CYP39A1: variants seen among roughly 807,000 people sequenced by gnomAD.
The protein encoded by CYP39A1 is cytochrome P450 family 39 subfamily A member 1.
CYP39A1 carries 49 observed loss-of-function variants against 58.1 expected under a neutral mutation model. The ratio of observed to expected loss-of-function variants is 0.84; its 90% CI spans 0.67 to 1.07. CYP39A1 has a LOEUF of 1.07. Ranked by LOEUF, CYP39A1 falls within the 50% of genes least tolerant of loss-of-function variation. CYP39A1 has a pLI of 0.00. For missense variants in CYP39A1, 531 were observed against 539.4 expected (o/e 0.98, Z 0.16); for synonymous variants, 209 against 187.6 (o/e 1.11, Z -0.93).
intron 4 of CYP39A1, 104 bp from the exon 5 acceptor site, chr6:46,636,586 A>G: frequency 1.4e-6 from 1 of 702,542 alleles, no homozygotes; most frequent in Middle Eastern, 3.7e-4. Context: ...TTAGTTCTCC[A>G]AATTTATTCT....
chr6:46,646,302 A>G (rs1023717104), intron 1 of CYP39A1, among the ~76,000 whole-genome samples: 1 of 152,060 alleles, frequency 6.6e-6, no homozygotes, highest in Non-Finnish European at 1.5e-5. Flanking sequence ...CTCTATCATG[A>G]ATCCTGATAT....
In CYP39A1 at chr6:46,550,278, G is replaced by T; in HGVS notation, c.*88C>A. ...GTCCTAAAACAAAGTGAAGCAGTGTGTTTTTGTAGAGCTCAGGTCTAGGTG... is the reference window on the plus strand; with the variant it reads ...GTCCTAAAACAAAGTGAAGCAGTGTTTTTTTGTAGAGCTCAGGTCTAGGTG... On this transcript the variant is annotated 3_prime_UTR_variant, in exon 12 of 12. Transcript: ENST00000275016. 9.8e-7 allele frequency: 1 copy of T among 1,024,080 alleles called. No individual in the cohort carries two copies. Among genetic ancestry groups the T allele is most frequent in the Non-Finnish European group, 1.5e-6 (1 of 681,468 alleles). 63.4% of individuals were successfully genotyped at this position (1,024,080 alleles called of 1,614,324 possible).
chr6:46,603,493 C>T, intron 7 of CYP39A1, among the ~76,000 whole-genome samples: 1 of 152,012 alleles, frequency 6.6e-6, no homozygotes, highest in East Asian at 1.9e-4. Flanking sequence ...TTTTATCTAC[C>T]CTCCTTCCTT....
intron 7 of CYP39A1, among the ~76,000 whole-genome samples, chr6:46,601,758 T>A (rs1773522319): frequency 6.6e-6 from 1 of 151,544 alleles, no homozygotes; most frequent in African/African-American, 2.4e-5. Context: ...TGACCTCAGG[T>A]GATCCGCCCA....
chr6:46,636,506 G>T, intron 4 of CYP39A1, 24 bp from the exon 5 acceptor site: 1 of 1,476,060 alleles, frequency 6.8e-7, no homozygotes, highest in Non-Finnish European at 9.3e-7. Flanking sequence ...AATATATATA[G>T]AAATTAATTG....
rs1346961963 is a variant in CYP39A1 at position 46,601,301 on chromosome 6, C to T, written c.932-5181G>A. Among the ~76,000 whole-genome samples, 4 of 152,166 alleles carry T rather than the reference C, an allele frequency of 2.6e-5. No homozygotes were observed. In the South Asian group the frequency reaches 6.2e-4, roughly 24 times the overall value. On this transcript the variant is annotated intron_variant, in intron 7 of 11. Coordinates refer to ENST00000275016, the MANE Select transcript of CYP39A1 (RefSeq NM_016593.5). ...AAGCCGTGAATATTTCTCACCTGGT[C>T]CAGGGTGACAGCCTTCATCATGCTT...
chr6:46,569,250 G>A (rs956556297), intron 10 of CYP39A1, among the ~76,000 whole-genome samples: 7 of 151,986 alleles, frequency 4.6e-5, no homozygotes, highest in African/African-American at 1.7e-4. Flanking sequence ...ACTTTGTTGA[G>A]TTATTTATTA....
chr6:46,626,265 T>C (rs1032679914), intron 6 of CYP39A1, among the ~76,000 whole-genome samples: 4 of 152,158 alleles, frequency 2.6e-5, no homozygotes, highest in African/African-American at 9.6e-5. Flanking sequence ...GTAAATAGTT[T>C]TGCTTCTATT....
At chr6:46,550,754 G>T (rs771123307) in intron 11 of CYP39A1, among the ~76,000 whole-genome samples, 1 of 152,148 alleles carries the variant, frequency 6.6e-6, no homozygotes, top group African/African-American at 2.4e-5. Context: ...TACAATTCTG[G>T]CTCAAAAACT....
chr6:46,622,392 C>T (rs572941810), intron 7 of CYP39A1, among the ~76,000 whole-genome samples: 1 of 151,878 alleles, frequency 6.6e-6, no homozygotes, highest in Non-Finnish European at 1.5e-5. Context: ...TGCACACAAA[C>T]TTATAGCTCA....
At chr6:46,569,450 G>A (rs1252738514) in intron 10 of CYP39A1, among the ~76,000 whole-genome samples, 1 of 151,868 alleles carries the variant, frequency 6.6e-6, no homozygotes, top group Non-Finnish European at 1.5e-5. Context: ...TCTTGTTCCT[G>A]GTCATAGAGA....
At chr6:46,648,902 T>C (rs1168379696) in intron 1 of CYP39A1, among the ~76,000 whole-genome samples, 1 of 152,162 alleles carries the variant, frequency 6.6e-6, no homozygotes, top group Non-Finnish European at 1.5e-5. Context: ...ATGTTTAAAA[T>C]AACTCTCTCA....
At position 46,597,281 on chromosome 6, in the gene CYP39A1, C is replaced by T. The variant is rs536579357; in HGVS notation, c.932-1161G>A. On this transcript the variant is annotated intron_variant, in intron 7 of 11. Coordinates refer to ENST00000275016, the MANE Select transcript of CYP39A1 (RefSeq NM_016593.5). ...TGTACCAGTATTACAATAACTAAGG[C>T]GCAGCTCTTGCTTGCAATACACTTA... Among the ~76,000 whole-genome samples the T allele has an allele frequency of 3.3e-5, 5 of 152,078 alleles. No homozygotes were observed. The South Asian group carries it at 8.3e-4, about 25-fold the overall frequency.
At chr6:46,577,095 T>C (rs1197581598) in intron 10 of CYP39A1, among the ~76,000 whole-genome samples, 2 of 152,172 alleles carry the variant, frequency 1.3e-5, no homozygotes, top group African/African-American at 2.4e-5. Context: ...GCAGAAACCT[T>C]ACATGCCATG....
chr6:46,621,563 T>C (rs1217713169), intron 7 of CYP39A1, among the ~76,000 whole-genome samples: 2 of 152,048 alleles, frequency 1.3e-5, no homozygotes, highest in Non-Finnish European at 2.9e-5. Flanking sequence ...TTAGATAATC[T>C]AGATGAAATG....
chr6:46,599,107 C>T (rs928254577), intron 7 of CYP39A1, among the ~76,000 whole-genome samples: 1 of 152,100 alleles, frequency 6.6e-6, no homozygotes, highest in Admixed American at 6.6e-5. Context: ...CTGAGGAATT[C>T]CTTCCATTAT....
chr6:46,605,966 A>T lies in CYP39A1; in HGVS notation c.932-9846T>A, dbSNP rs548397509. Among the ~76,000 whole-genome samples the T allele has an allele frequency of 3.0e-4, 45 of 152,228 alleles. No individual in the cohort carries two copies. In the South Asian group the frequency reaches 9.1e-3, roughly 31 times the overall value. On this transcript the variant is annotated intron_variant, in intron 7 of 11. Coordinates refer to ENST00000275016, the MANE Select transcript of CYP39A1 (RefSeq NM_016593.5). ...CCGAAAAGAAGTATCTTTCTACTTG[A>T]CCAAGGATAGGTGGCAACTACGGTC...
chr6:46,646,383 C>G (rs1238347766), intron 1 of CYP39A1, among the ~76,000 whole-genome samples: 3 of 151,980 alleles, frequency 2.0e-5, no homozygotes, highest in Non-Finnish European at 4.4e-5. Context: ...TGTGCTTTTT[C>G]TTCTTTAGCT....
In CYP39A1 at chr6:46,637,915, CT is replaced by C; in HGVS notation, c.551del (p.Lys184ArgfsTer29). The C allele has an allele frequency of 6.2e-7, 1 of 1,612,890 alleles. No individual in the cohort carries two copies. The highest frequency in any genetic ancestry group is 8.5e-7 in the Non-Finnish European group (1 of 1,179,684). On this transcript the variant is annotated frameshift_variant, in exon 4 of 12. Coordinates refer to ENST00000275016, the MANE Select transcript of CYP39A1 (RefSeq NM_016593.5). LOFTEE classifies it high-confidence loss of function. ...ACTGATGGAACTCCTTGATTTTTTT[CT>C]TGTTTGTGGAAAACAAACTTTTATT... is the stretch of plus-strand genomic sequence containing the variant. ...LFNKSLFSTN[K>X]KKIKEFHQYF...
Sources: gnomAD v4.1 joint callset for allele counts (sites outside exome capture counted in the v4.1 genomes callset) on GRCh38, gnomAD v4.1.1 for gene constraint, MANE v1.5 for transcripts, NCBI Gene and HGNC (gene_info 2026-07-23, HGNC 2026-07-21) for gene names.